The following PPP1R3A variants were observed in gnomAD, a reference collection of about 807,000 sequenced individuals.
The protein encoded by PPP1R3A is protein phosphatase 1 regulatory subunit 3A, also known as RG1.
In PPP1R3A, 29 loss-of-function variants were observed where a neutral mutation model predicts 41.7. The observed-to-expected ratio is 0.70, with a 90% confidence interval of 0.52 to 0.95. The LOEUF is 0.95. PPP1R3A is among the 40% of genes least tolerant of loss of function. The pLI, the probability that PPP1R3A is intolerant of heterozygous loss-of-function variation, is 0.00. For missense variants in PPP1R3A, 1,352 were observed against 1,292.4 expected (o/e 1.05, Z -0.71); for synonymous variants, 485 against 453.4 (o/e 1.07, Z -0.89).
chr7:113,889,817 A>C lies in PPP1R3A; in HGVS notation c.783-7497T>G, dbSNP rs1156475256. On this transcript the variant is annotated intron_variant, in intron 1 of 3. Coordinates refer to ENST00000284601, the MANE Select transcript of PPP1R3A (RefSeq NM_002711.4). ...TTTAACAAATATTTAGTGAGTACCC[A>C]CCAATTGTGAAATGTTGTGCTGGAT... is the stretch of plus-strand genomic sequence containing the variant. Among the ~76,000 whole-genome samples the C allele has an allele frequency of 2.6e-5, 4 of 152,136 alleles. No homozygotes were observed. The East Asian group carries it at 7.7e-4, about 29-fold the overall frequency.
chr7:113,897,102 G>A (rs1207901727), intron 1 of PPP1R3A, among the ~76,000 whole-genome samples: 1 of 151,738 alleles, frequency 6.6e-6, no homozygotes, highest in Non-Finnish European at 1.5e-5. Flanking sequence ...TATTATTCTA[G>A]TGTGATCTAA....
chr7:113,877,607 TGATCCTTCAA>T lies in PPP1R3A; in HGVS notation c.*106_*115del. 1 of 1,245,266 alleles carries T rather than the reference TGATCCTTCAA, an allele frequency of 8.0e-7. No individual in the cohort carries two copies. The allele number at this position is 1,245,266 out of a possible 1,614,324, so 77.1% of individuals were successfully genotyped here. The stretch of plus-strand genomic sequence containing the variant: ...AAACTTATTCGCGTCCCTTTTTAAA[TGATCCTTCAA>T]GAGAAAAACTGCACTGGATCTTTGA... On this transcript the variant is annotated 3_prime_UTR_variant, in exon 4 of 4. Coordinates refer to ENST00000284601, the MANE Select transcript of PPP1R3A (RefSeq NM_002711.4).
In PPP1R3A at chr7:113,879,041, T is replaced by A; in HGVS notation, c.2051A>T (p.Asp684Val). Reference protein sequence around the residue: ...EHIKGQTDCEDVWGKRDNTRS... With the variant: ...EHIKGQTDCEVVWGKRDNTRS... ...CGTATTATCTCTTTTTCCCCACACG[T>A]CTTCACAATCTGTTTGTCCTTTGAT... Residue 684 changes from aspartate (D) to valine (V), a missense_variant, in exon 4 of 4, where the codon GAC becomes GTC. Coordinates refer to ENST00000284601, the MANE Select transcript of PPP1R3A (RefSeq NM_002711.4). 6.2e-7 allele frequency: 1 copy of A among 1,613,750 alleles called. No homozygotes were observed. The highest frequency in any genetic ancestry group is 8.5e-7 in the Non-Finnish European group (1 of 1,179,804).
Position 113,878,622 on chromosome 7 carries a change from A to C in PPP1R3A, c.2470T>G (p.Ser824Ala), listed in dbSNP as rs1274672343. Reference protein sequence around the residue: ...VDEMEKEETMSMYNPRKTHDR... With the variant: ...VDEMEKEETMAMYNPRKTHDR... ...TGTGTCTTCCTAGGATTGTACATAG[A>C]CATGGTTTCTTCCTTCTCCATTTCA... Residue 824 changes from serine to alanine, a missense_variant, in exon 4 of 4, where the codon TCT (serine) becomes GCT (alanine). By Grantham distance (99) the Ser-to-Ala change is moderately conservative. Coordinates refer to ENST00000284601, the MANE Select transcript of PPP1R3A (RefSeq NM_002711.4). 6.2e-7 allele frequency: 1 copy of C among 1,613,240 alleles called. No homozygotes were observed. Among genetic ancestry groups the C allele is most frequent in the Non-Finnish European group, 8.5e-7 (1 of 1,179,586 alleles).
In PPP1R3A at chr7:113,880,153, A is replaced by G. The variant is rs1328890111; in HGVS notation, c.967-28T>C. ...TATGGGATAAAAACAACAAAGAAAT[A>G]ATGACCATAAGATCTTTTAAAATAT... On this transcript the variant is annotated intron_variant, in intron 3 of 3. Transcript: ENST00000284601. The G allele has an allele frequency of 1.9e-6, 3 of 1,545,776 alleles. No individual in the cohort carries two copies. In the African/African-American group the frequency reaches 4.1e-5, roughly 21 times the overall value.
At chr7:113,914,629 G>C (rs1355825381) in intron 1 of PPP1R3A, among the ~76,000 whole-genome samples, 1 of 152,098 alleles carries the variant, frequency 6.6e-6, no homozygotes, top group Non-Finnish European at 1.5e-5. Flanking sequence ...CAGTTTTTCA[G>C]ATACACCTAA....
intron 1 of PPP1R3A, among the ~76,000 whole-genome samples, chr7:113,912,100 C>T (rs1246922956): frequency 2.0e-5 from 3 of 152,020 alleles, no homozygotes; most frequent in Non-Finnish European, 4.4e-5. Flanking sequence ...ACTTTAAAGC[C>T]CTTGCTGTTT....
At position 113,894,403 on chromosome 7, in the gene PPP1R3A, CAA is replaced by C. The variant is rs569160805; in HGVS notation, c.783-12085_783-12084del. Among the ~76,000 whole-genome samples the C allele has an allele frequency of 2.6e-5, 4 of 151,974 alleles. No homozygotes were observed. The South Asian group carries it at 8.3e-4, about 32-fold the overall frequency. On this transcript the variant is annotated intron_variant, in intron 1 of 3. Coordinates refer to ENST00000284601, the MANE Select transcript of PPP1R3A (RefSeq NM_002711.4). Reference sequence around the variant, plus strand: ...AGAGAGATACCATTAACAAAAAACTCAAAGTTATTGGCCTAAAGTCCTTATTT... The same window carrying C: ...AGAGAGATACCATTAACAAAAAACTCAGTTATTGGCCTAAAGTCCTTATTT...
Position 113,918,419 on chromosome 7 carries a change from A to G in PPP1R3A, c.578T>C (p.Val193Ala), listed in dbSNP as rs1290491601. Residue 193 changes from valine (V) to alanine (A), a missense_variant, in exon 1 of 4, where the codon GTA becomes GCA. Physicochemically the swap from Val to Ala is moderately conservative, Grantham distance 64. Coordinates refer to ENST00000284601, the MANE Select transcript of PPP1R3A (RefSeq NM_002711.4). Reference sequence around the variant, plus strand: ...ATCTTTTTGATAAGGAGGAACCAATACAATCTTAAAGGAGAACTGGTCAGT... The same window carrying G: ...ATCTTTTTGATAAGGAGGAACCAATGCAATCTTAAAGGAGAACTGGTCAGT... ...GETDQFSFKI[V>A]LVPPYQKDGS... 3.1e-6 allele frequency: 5 copies of G among 1,613,294 alleles called. No homozygotes were observed. The highest frequency in any genetic ancestry group is 4.2e-6 in the Non-Finnish European group (5 of 1,179,654).
chr7:113,899,106 T>A (rs1480086827), intron 1 of PPP1R3A, among the ~76,000 whole-genome samples: 1 of 151,740 alleles, frequency 6.6e-6, no homozygotes, highest in Non-Finnish European at 1.5e-5. Context: ...CTGACTCTAC[T>A]AAGAGTCAGT....
At position 113,891,101 on chromosome 7, in the gene PPP1R3A, A is replaced by ACC. The variant is rs1432337897; in HGVS notation, c.783-8782_783-8781insGG. ...AAAAAAAGCAAAAAAAAAAAAAAAA[A>ACC]AAAAAAAAAAAAACCCTGCATGCAA... On this transcript the variant is annotated intron_variant, in intron 1 of 3. Coordinates refer to ENST00000284601, the MANE Select transcript of PPP1R3A (RefSeq NM_002711.4). 9.5e-5 allele frequency among the ~76,000 whole-genome samples: 11 copies of ACC among 115,448 alleles called. 1 individual carries two copies. The highest frequency in any genetic ancestry group is 1.8e-4 in the Non-Finnish European group (10 of 55,360). The allele number at this position is 115,448 out of a possible 152,430, so 75.7% of individuals were successfully genotyped here.
At chr7:113,916,386 A>G (rs1393957183) in intron 1 of PPP1R3A, among the ~76,000 whole-genome samples, 3 of 152,090 alleles carry the variant, frequency 2.0e-5, no homozygotes, top group Admixed American at 1.3e-4. Context: ...ATAGTTCTAC[A>G]TATCTTCAAC....
rs771586895 is a variant in PPP1R3A, at chr7:113,877,805, A to G, written c.3287T>C (p.Ile1096Thr). Reference protein sequence around the residue: ...LITVYHYDLMIGLTFYVLSLS... With the variant: ...LITVYHYDLMTGLTFYVLSLS... ...TGACAAAACGTAGAATGTCAAGCCA[A>G]TCATTAAGTCATAATGGTAGACAGT... is the stretch of plus-strand genomic sequence containing the variant. The change falls in exon 4 of 4, where the codon ATT (isoleucine) becomes ACT (threonine). Residue 1096 changes from isoleucine (I) to threonine (T), a missense_variant. Coordinates refer to ENST00000284601, the MANE Select transcript of PPP1R3A (RefSeq NM_002711.4). The G allele has an allele frequency of 2.1e-5, 34 of 1,607,240 alleles. No individual in the cohort carries two copies. In the East Asian group the frequency reaches 6.3e-4, roughly 30 times the overall value.
intron 1 of PPP1R3A, among the ~76,000 whole-genome samples, chr7:113,913,572 A>T (rs917714640): frequency 6.6e-6 from 1 of 152,042 alleles, no homozygotes; most frequent in South Asian, 2.1e-4. Context: ...ACCATCAAAC[A>T]CCTATATCAT....
chr7:113,884,818 T>C lies in PPP1R3A; in HGVS notation c.783-2498A>G, dbSNP rs75305182. 4.5e-3 allele frequency among the ~76,000 whole-genome samples: 686 copies of C among 152,126 alleles called. 4 individuals are homozygous for C. The highest frequency in any genetic ancestry group is 0.015 in the African/African-American group (620 of 41,532). On this transcript the variant is annotated intron_variant, in intron 1 of 3. Coordinates refer to ENST00000284601, the MANE Select transcript of PPP1R3A (RefSeq NM_002711.4). ...ACAAATAAGCATCAAGAATACATAA[T>C]GAACTCCTACAAATCAACAAGAAAG...
At chr7:113,911,390 A>G (rs867322102) in intron 1 of PPP1R3A, among the ~76,000 whole-genome samples, 2 of 152,132 alleles carry the variant, frequency 1.3e-5, no homozygotes, top group South Asian at 2.1e-4. Flanking sequence ...TGTGGGATAC[A>G]TAGAATGCTT....
chr7:113,915,961 A>G (rs1328882689), intron 1 of PPP1R3A, among the ~76,000 whole-genome samples: 1 of 152,046 alleles, frequency 6.6e-6, no homozygotes, highest in Non-Finnish European at 1.5e-5. Flanking sequence ...CATATAAATT[A>G]TATCATGGAA....
intron 1 of PPP1R3A, among the ~76,000 whole-genome samples, chr7:113,912,841 A>AT (rs1255117335): frequency 6.6e-6 from 1 of 152,078 alleles, no homozygotes; most frequent in Non-Finnish European, 1.5e-5. Flanking sequence ...CATTTGAGGC[A>AT]TGGCATTCAT....
intron 1 of PPP1R3A, among the ~76,000 whole-genome samples, chr7:113,896,973 G>A (rs1486448439): frequency 6.6e-6 from 1 of 151,864 alleles, no homozygotes; most frequent in Non-Finnish European, 1.5e-5. Flanking sequence ...CAGAATCCAT[G>A]GAAAGGTATT....
Sources: gnomAD v4.1 joint callset for allele counts (sites outside exome capture counted in the v4.1 genomes callset) on GRCh38, gnomAD v4.1.1 for gene constraint, MANE v1.5 for transcripts, NCBI Gene and HGNC (gene_info 2026-07-23, HGNC 2026-07-21) for gene names.